The following PPP4R2 variants were observed in gnomAD, a reference collection of about 807,000 sequenced individuals.
The protein encoded by PPP4R2 is serine/threonine-protein phosphatase 4 regulatory subunit 2.
Under a neutral mutation model 47.2 loss-of-function variants are expected in PPP4R2, and 13 were observed. The ratio of observed to expected loss-of-function variants is 0.28; its 90% CI spans 0.18 to 0.44. PPP4R2 has a LOEUF of 0.44. Among genes scored for constraint, PPP4R2 ranks in the 20% least tolerant of loss-of-function variants. The probability of loss-of-function intolerance (pLI) is 1.00; values close to 1 mark genes in which losing one functional copy is unlikely to be tolerated. For missense variants in PPP4R2, 421 were observed against 491.2 expected (o/e 0.86, Z 1.35); for synonymous variants, 151 against 163.3 (o/e 0.92, Z 0.57).
At chr3:73,020,673 A>T (rs75313487) in intron 2 of PPP4R2, among the ~76,000 whole-genome samples, 217 of 15,948 alleles carry the variant, frequency 0.014, no homozygotes, top group South Asian at 0.039. Flanking sequence ...CTGTCTCTTT[A>T]AAAAAAAAAA....
chr3:73,019,008 A>T (rs1456868184), intron 2 of PPP4R2, among the ~76,000 whole-genome samples: 1 of 132,870 alleles, frequency 7.5e-6, no homozygotes, highest in Non-Finnish European at 1.8e-5. Context: ...GAGCTGGGTT[A>T]GATAAATGAA....
intron 2 of PPP4R2, among the ~76,000 whole-genome samples, chr3:73,012,518 G>T (rs1701746389): frequency 6.6e-6 from 1 of 152,078 alleles, no homozygotes; most frequent in African/African-American, 2.4e-5. Context: ...AGCCAGGATG[G>T]TCTTGATCTC....
At chr3:73,062,919 T>G in intron 5 of PPP4R2, 1 of 1,594,546 alleles carries the variant, frequency 6.3e-7, no homozygotes, top group Non-Finnish European at 8.6e-7. Context: ...AAAGCACAGA[T>G]GACAACCTAT....
chr3:73,010,695 A>G (rs1337659891), intron 2 of PPP4R2, among the ~76,000 whole-genome samples: 1 of 151,886 alleles, frequency 6.6e-6, no homozygotes, highest in Admixed American at 6.6e-5. Flanking sequence ...AGTAGCTGGG[A>G]TTACAGGCGC....
At chr3:73,021,233 A>T (rs7619983) in intron 2 of PPP4R2, among the ~76,000 whole-genome samples, 4,831 of 56,010 alleles carry the variant, frequency 0.086, 103 homozygotes, top group African/African-American at 0.19. Context: ...TTAAAAAAAA[A>T]TTTTTTTTTT....
chr3:73,050,918 T>A (rs116798343), intron 3 of PPP4R2, among the ~76,000 whole-genome samples: 7 of 152,298 alleles, frequency 4.6e-5, no homozygotes, highest in Non-Finnish European at 1.0e-4. Context: ...TTGCCTTTTT[T>A]TTATTTTTTT....
At chr3:73,012,191 A>G (rs765802693) in intron 2 of PPP4R2, among the ~76,000 whole-genome samples, 19 of 152,222 alleles carry the variant, frequency 1.2e-4, no homozygotes, top group Non-Finnish European at 2.5e-4. Flanking sequence ...ATTACTTATA[A>G]TACGTAATAC....
At chr3:72,999,000 T>A (rs1701407635) in intron 2 of PPP4R2, among the ~76,000 whole-genome samples, 1 of 152,204 alleles carries the variant, frequency 6.6e-6, no homozygotes, top group African/African-American at 2.4e-5. Flanking sequence ...ATTGTATAAT[T>A]TCTCTGGCTT....
In PPP4R2 at chr3:73,037,352, T is replaced by C. The variant is rs139406391; in HGVS notation, c.117-9834T>C. ...ATACATGTGCTACAAATCTTATTCC[T>C]CAAATTTTGTGACTTTGATCTTGGC... is the stretch of plus-strand genomic sequence containing the variant. On this transcript the variant is annotated intron_variant, in intron 2 of 8. Coordinates refer to ENST00000356692, the MANE Select transcript of PPP4R2 (RefSeq NM_174907.4). Among the ~76,000 whole-genome samples, 1,016 of 152,358 alleles carry C rather than the reference T, an allele frequency of 6.7e-3. 22 individuals are homozygous for C. Among genetic ancestry groups the C allele is most frequent in the African/African-American group, 0.023 (962 of 41,590 alleles).
At chr3:73,059,338 C>T (rs1702795154) in intron 4 of PPP4R2, among the ~76,000 whole-genome samples, 1 of 152,044 alleles carries the variant, frequency 6.6e-6, no homozygotes, top group Non-Finnish European at 1.5e-5. Flanking sequence ...GTGTGTTGGT[C>T]ATTGAAGTTT....
intron 2 of PPP4R2, among the ~76,000 whole-genome samples, chr3:73,014,574 A>G (rs1476932146): frequency 6.6e-6 from 1 of 152,194 alleles, no homozygotes; most frequent in Non-Finnish European, 1.5e-5. Flanking sequence ...CTGGGATTAC[A>G]GGCATGAGCC....
intron 3 of PPP4R2, among the ~76,000 whole-genome samples, chr3:73,051,440 CCTTT>C (rs1702610077): frequency 6.6e-6 from 1 of 152,074 alleles, no homozygotes; most frequent in African/African-American, 2.4e-5. Context: ...GTACTTACAG[CCTTT>C]CTGTGAATTG....
intron 2 of PPP4R2, among the ~76,000 whole-genome samples, chr3:73,017,666 C>CT (rs1467935210): frequency 8.6e-5 from 13 of 151,782 alleles, no homozygotes; most frequent in African/African-American, 3.1e-4. Context: ...TTTGGAAACT[C>CT]TTGACAAAGT....
intron 2 of PPP4R2, among the ~76,000 whole-genome samples, chr3:73,014,560 A>G (rs978529453): frequency 6.6e-6 from 1 of 152,050 alleles, no homozygotes; most frequent in Non-Finnish European, 1.5e-5. Context: ...GGCCTCCCAA[A>G]GTGCTGGGAT....
In PPP4R2 at chr3:73,002,618, TC is replaced by T. The variant is rs1439390372; in HGVS notation, c.116+4461del. Among the ~76,000 whole-genome samples the T allele has an allele frequency of 2.1e-3, 200 of 94,090 alleles. 1 individual carries two copies. Among genetic ancestry groups the T allele is most frequent in the African/African-American group, 9.1e-3 (182 of 20,074 alleles). 61.7% of individuals were successfully genotyped at this position (94,090 alleles called of 152,430 possible). ...GTGCACAGGGATTTTTCTTTTCTTT[TC>T]TTTTCTTTTCTTTTCTTTTTTTTTT... On this transcript the variant is annotated intron_variant, in intron 2 of 8. Transcript: ENST00000356692.
At chr3:73,041,972 T>G (rs1702388706) in intron 2 of PPP4R2, among the ~76,000 whole-genome samples, 1 of 152,104 alleles carries the variant, frequency 6.6e-6, no homozygotes, top group Admixed American at 6.5e-5. Flanking sequence ...TTATTAGAGA[T>G]ATGAATTGTA....
chr3:73,017,509 C>T (rs1271880251), intron 2 of PPP4R2, among the ~76,000 whole-genome samples: 1 of 152,084 alleles, frequency 6.6e-6, no homozygotes, highest in African/African-American at 2.4e-5. Context: ...GGGTCCCCTG[C>T]ATGCTGTCCT....
At chr3:73,006,030 C>T (rs1701603064) in intron 2 of PPP4R2, among the ~76,000 whole-genome samples, 1 of 152,054 alleles carries the variant, frequency 6.6e-6, no homozygotes, top group Non-Finnish European at 1.5e-5. Context: ...GTGTGTGCTG[C>T]CTTCCCTCCA....
chr3:73,003,706 TG>T (rs1383961433), intron 2 of PPP4R2, among the ~76,000 whole-genome samples: 40 of 125,336 alleles, frequency 3.2e-4, no homozygotes, highest in African/African-American at 1.2e-3. Flanking sequence ...TTTTTTGTTT[TG>T]TTTTTTTTTG....
Sources: allele counts gnomAD v4.1 joint callset (sites outside exome capture counted in the v4.1 genomes callset), GRCh38; gene constraint gnomAD v4.1.1; transcripts MANE v1.5; gene names NCBI Gene and HGNC (gene_info 2026-07-23, HGNC 2026-07-21).